SPAG17: variants seen among roughly 807,000 people sequenced by gnomAD.
SPAG17 encodes sperm-associated antigen 17.
A neutral mutation model predicts 273.6 loss-of-function variants in SPAG17; 169 were observed. The ratio of observed to expected loss-of-function variants is 0.62; its 90% CI spans 0.55 to 0.70. The LOEUF (loss-of-function observed/expected upper bound fraction) is 0.70. Ranked by LOEUF, SPAG17 falls within the 30% of genes least tolerant of loss-of-function variation. SPAG17 has a pLI of 0.00. For missense variants in SPAG17, 2,557 were observed against 2,627.8 expected (o/e 0.97, Z 0.59); for synonymous variants, 825 against 873.2 (o/e 0.94, Z 0.97).
chr1:118,055,750 GA>G lies in SPAG17; in HGVS notation c.2704del (p.Ser902ProfsTer32). Reference sequence around the variant, plus strand: ...TTACTTACTTTTAGATTCTTTAATGGAAAAAATTTTGCTAGCAGAAGTAAGT... The same window carrying G: ...TTACTTACTTTTAGATTCTTTAATGGAAAAATTTTGCTAGCAGAAGTAAGT... ...AKLTSASKIF[S>X]IKESKSNKGI... is the part of the protein sequence containing the mutation. On this transcript the variant is annotated frameshift_variant, in exon 19 of 49. Transcript: ENST00000336338. LOFTEE classifies it high-confidence loss of function. 6 of 1,611,690 alleles carry G rather than the reference GA, an allele frequency of 3.7e-6. No homozygotes were observed. The highest frequency in any genetic ancestry group is 5.1e-6 in the Non-Finnish European group (6 of 1,179,228).
At chr1:118,182,172 A>G (rs1660980937) in intron 1 of SPAG17, among the ~76,000 whole-genome samples, 1 of 152,232 alleles carries the variant, frequency 6.6e-6, no homozygotes, top group African/African-American at 2.4e-5. Context: ...ACATTATGTT[A>G]AGTAAAAATA....
intron 12 of SPAG17, 50 bp from the exon 13 acceptor site, chr1:118,086,122 T>A (rs747566035): frequency 4.5e-6 from 7 of 1,565,746 alleles, no homozygotes; most frequent in Non-Finnish European, 6.1e-6. Context: ...AGCTGTTAAG[T>A]GCCTTATGCA....
chr1:118,101,807 A>T lies in SPAG17; in HGVS notation c.567T>A (p.Asn189Lys), dbSNP rs10754367. The T allele has an allele frequency of 3.7e-6, 6 of 1,613,764 alleles. No homozygotes were observed. The highest frequency in any genetic ancestry group is 5.1e-6 in the Non-Finnish European group (6 of 1,179,890). Reference sequence around the variant, plus strand: ...ACTGGGTGGTCTTTTTCACTGGTGCATTTGCCTCAGGCTGATCCTTTCCCT... The same window carrying T: ...ACTGGGTGGTCTTTTTCACTGGTGCTTTTGCCTCAGGCTGATCCTTTCCCT... The part of the protein sequence containing the change: ...KGKGKDQPEA[N>K]APVKKTTQLK... Residue 189 changes from asparagine to lysine, a missense_variant, in exon 5 of 49, where the codon AAT becomes AAA. Coordinates refer to ENST00000336338, the MANE Select transcript of SPAG17 (RefSeq NM_206996.4).
chr1:118,040,625 A>T, intron 22 of SPAG17, 105 bp downstream of exon 22: 1 of 717,314 alleles, frequency 1.4e-6, no homozygotes, highest in Non-Finnish European at 2.5e-6. Context: ...ATTGTGGGGG[A>T]CAGAATAACA....
chr1:118,031,078 T>A (rs1648399649), intron 25 of SPAG17, among the ~76,000 whole-genome samples: 1 of 151,980 alleles, frequency 6.6e-6, no homozygotes, highest in African/African-American at 2.4e-5. Context: ...AGCAGAACCA[T>A]CTTTTGATCT....
At chr1:118,063,209 T>C (rs1217495662) in intron 18 of SPAG17, among the ~76,000 whole-genome samples, 1 of 152,174 alleles carries the variant, frequency 6.6e-6, no homozygotes, top group Non-Finnish European at 1.5e-5. Context: ...ACCAATGACT[T>C]TCTTCACAGA....
At chr1:117,963,344 T>C (rs922229198) in intron 48 of SPAG17, 1 of 152,682 alleles carries the variant, frequency 6.5e-6, no homozygotes, top group Admixed American at 6.5e-5. Flanking sequence ...GCAACTAGTA[T>C]AGTTATTTAA....
intron 1 of SPAG17, among the ~76,000 whole-genome samples, chr1:118,177,774 G>C (rs1330292516): frequency 6.6e-6 from 1 of 152,142 alleles, no homozygotes; most frequent in African/African-American, 2.4e-5. Context: ...AGAATCATGA[G>C]AGACTATTAT....
chr1:117,990,627 T>C (rs1051694594), intron 38 of SPAG17, among the ~76,000 whole-genome samples: 4 of 152,138 alleles, frequency 2.6e-5, no homozygotes, highest in African/African-American at 9.7e-5. Flanking sequence ...TGGATGAAAG[T>C]TAAAGATGAA....
At chr1:117,986,657 C>T (rs941810596) in intron 40 of SPAG17, among the ~76,000 whole-genome samples, 27 of 152,162 alleles carry the variant, frequency 1.8e-4, no homozygotes, top group Admixed American at 1.7e-3. Context: ...TCATCCTATA[C>T]CCCATCTCTC....
chr1:118,140,994 C>T (rs1658650022), intron 3 of SPAG17, among the ~76,000 whole-genome samples: 1 of 152,146 alleles, frequency 6.6e-6, no homozygotes, highest in Non-Finnish European at 1.5e-5. Context: ...GAATATTTTC[C>T]CTTGCTCTTT....
chr1:118,061,429 A>C (rs753911882), intron 18 of SPAG17, among the ~76,000 whole-genome samples: 14 of 152,232 alleles, frequency 9.2e-5, no homozygotes, highest in Non-Finnish European at 2.1e-4. Flanking sequence ...GAGTTAAATA[A>C]GCCAGTCACT....
chr1:118,116,053 G>A lies in SPAG17; in HGVS notation c.316-612C>T, dbSNP rs368847604. Among the ~76,000 whole-genome samples the A allele has an allele frequency of 2.2e-4, 34 of 152,228 alleles. No homozygotes were observed. The East Asian group carries it at 5.2e-3, about 23-fold the overall frequency. Reference sequence around the variant, plus strand: ...GGTTATTGAGTTTTCTTTGGGTGACGACAGCCACTAGGAACATACAGCTGT... The same window carrying A: ...GGTTATTGAGTTTTCTTTGGGTGACAACAGCCACTAGGAACATACAGCTGT... On this transcript the variant is annotated intron_variant, in intron 3 of 48. Transcript: ENST00000336338.
intron 3 of SPAG17, among the ~76,000 whole-genome samples, chr1:118,136,803 G>A (rs139934339): frequency 1.0e-3 from 5 of 4,766 alleles, no homozygotes; most frequent in South Asian, 3.5e-3. Context: ...GTGTGTGTAT[G>A]TGTGTGTGTG....
chr1:118,086,757 C>A lies in SPAG17; in HGVS notation c.1525G>T (p.Glu509Ter), dbSNP rs760862306. 1.2e-6 allele frequency: 2 copies of A among 1,614,098 alleles called. No homozygotes were observed. Among genetic ancestry groups the A allele is most frequent in the Non-Finnish European group, 1.7e-6 (2 of 1,180,006 alleles). ...KNLHDIFLSE[E>*]ENESKAVPKG... Reference sequence around the variant, plus strand: ...GGCACTGCTTTGCTTTCATTTTCTTCTTCAGATAAAAATATGTCATGAAGA... The same window carrying A: ...GGCACTGCTTTGCTTTCATTTTCTTATTCAGATAAAAATATGTCATGAAGA... The change falls in exon 12 of 49, where the codon GAA becomes TAA. Residue 509 changes from glutamate (E) to a stop codon, truncating the protein, a stop_gained. Coordinates refer to ENST00000336338, the MANE Select transcript of SPAG17 (RefSeq NM_206996.4). LOFTEE classifies it high-confidence loss of function.
chr1:118,051,724 AAT>A (rs924394110), intron 20 of SPAG17, among the ~76,000 whole-genome samples: 61 of 146,120 alleles, frequency 4.2e-4, no homozygotes, highest in African/African-American at 1.5e-3. Flanking sequence ...GTATAATTAC[AAT>A]ATATGATATG....
chr1:118,162,588 A>G (rs899678930), intron 1 of SPAG17, among the ~76,000 whole-genome samples: 6 of 152,218 alleles, frequency 3.9e-5, no homozygotes, highest in Admixed American at 6.5e-5. Flanking sequence ...GAAGCACTGT[A>G]CAAATTGTTC....
At chr1:118,117,961 T>C (rs1388779104) in intron 3 of SPAG17, among the ~76,000 whole-genome samples, 1 of 152,262 alleles carries the variant, frequency 6.6e-6, no homozygotes, top group Admixed American at 6.5e-5. Flanking sequence ...TTTCATGGTA[T>C]ATGGGTCATT....
At chr1:117,997,781 T>G (rs911325091) in intron 32 of SPAG17, among the ~76,000 whole-genome samples, 5 of 152,128 alleles carry the variant, frequency 3.3e-5, no homozygotes, top group Admixed American at 2.6e-4. Context: ...TAAAACTTTA[T>G]AAAACGACAT....
Sources: allele counts gnomAD v4.1 joint callset (sites outside exome capture counted in the v4.1 genomes callset), GRCh38; gene constraint gnomAD v4.1.1; transcripts MANE v1.5; gene names NCBI Gene and HGNC (gene_info 2026-07-23, HGNC 2026-07-21).